The following CREB5 variants were observed in gnomAD, a reference collection of about 807,000 sequenced individuals.
The protein encoded by CREB5 is cyclic AMP-responsive element-binding protein 5.
CREB5 carries 19 observed loss-of-function variants against 57.1 expected under a neutral mutation model. The observed-to-expected ratio is 0.33, with a 90% CI of 0.23 to 0.49. The LOEUF (loss-of-function observed/expected upper bound fraction) is 0.49. CREB5 is among the 20% of genes least tolerant of loss of function. CREB5 has a pLI of 0.99. For missense variants in CREB5, 579 were observed against 671.6 expected (o/e 0.86, Z 1.52); for synonymous variants, 238 against 238.3 (o/e 1.00, Z 0.01).
rs557315081 is a variant in CREB5, at chr7:28,537,381, T to C, written c.291+29644T>C. The stretch of plus-strand genomic sequence containing the variant: ...TTCCTACAACATGCACTTAAAGCCT[T>C]TTTTTTTTAACATAGCACAGTATAT... On this transcript the variant is annotated intron_variant, in intron 4 of 10. Transcript: ENST00000357727. 6.3e-3 allele frequency among the ~76,000 whole-genome samples: 943 copies of C among 150,628 alleles called. 3 individuals are homozygous for C. Among genetic ancestry groups the C allele is most frequent in the Non-Finnish European group, 0.011 (721 of 67,462 alleles).
chr7:28,416,106 T>A (rs1307957873), intron 1 of CREB5, among the ~76,000 whole-genome samples: 1 of 152,226 alleles, frequency 6.6e-6, no homozygotes, highest in African/African-American at 2.4e-5. Flanking sequence ...AATAACAATG[T>A]CTAAATAGAA....
chr7:28,771,633 C>A (rs1027067871), intron 7 of CREB5, among the ~76,000 whole-genome samples: 4 of 152,102 alleles, frequency 2.6e-5, no homozygotes, highest in African/African-American at 7.2e-5. Flanking sequence ...TCATTTACAG[C>A]GCTACCCCTT....
chr7:28,467,858 G>C (rs1166399804), intron 1 of CREB5, among the ~76,000 whole-genome samples: 1 of 152,158 alleles, frequency 6.6e-6, no homozygotes, highest in Non-Finnish European at 1.5e-5. Context: ...GATGGGAATG[G>C]GCGTGATAAC....
intron 1 of CREB5, among the ~76,000 whole-genome samples, chr7:28,453,387 C>T (rs1789926087): frequency 6.6e-6 from 1 of 152,138 alleles, no homozygotes; most frequent in South Asian, 2.1e-4. Flanking sequence ...TGCTGTGAGC[C>T]ATGATTGTGC....
intron 1 of CREB5, among the ~76,000 whole-genome samples, chr7:28,451,243 A>G (rs758993429): frequency 9.2e-5 from 14 of 152,184 alleles, no homozygotes; most frequent in Non-Finnish European, 1.8e-4. Flanking sequence ...CATTCATTGC[A>G]ATAACTTGAC....
intron 5 of CREB5, among the ~76,000 whole-genome samples, chr7:28,677,383 G>A (rs548595802): frequency 1.3e-5 from 2 of 152,104 alleles, no homozygotes; most frequent in South Asian, 2.1e-4. Context: ...GGAGACCTAC[G>A]TTTTAATCTA....
At chr7:28,736,500 T>C (rs1255440072) in intron 7 of CREB5, among the ~76,000 whole-genome samples, 3 of 152,152 alleles carry the variant, frequency 2.0e-5, no homozygotes, top group Non-Finnish European at 4.4e-5. Context: ...CTTACATATA[T>C]TATCTTCTTT....
intron 7 of CREB5, among the ~76,000 whole-genome samples, chr7:28,738,273 T>C (rs1251609118): frequency 6.6e-6 from 1 of 152,206 alleles, no homozygotes; most frequent in Non-Finnish European, 1.5e-5. Context: ...TATTTTTTCC[T>C]AAACACCTAG....
intron 1 of CREB5, among the ~76,000 whole-genome samples, chr7:28,342,254 A>G (rs957175501): frequency 7.2e-5 from 11 of 152,208 alleles, no homozygotes; most frequent in Non-Finnish European, 1.3e-4. Flanking sequence ...TTTGGTGCCT[A>G]GATGTGGCTA....
chr7:28,437,290 G>A (rs1485610982), intron 1 of CREB5, among the ~76,000 whole-genome samples: 1 of 152,118 alleles, frequency 6.6e-6, no homozygotes, highest in African/African-American at 2.4e-5. Context: ...AGGAAACTGA[G>A]GTTTAGAGAA....
chr7:28,776,211 G>C lies in CREB5; in HGVS notation c.703-27988G>C, dbSNP rs7795685. Among the ~76,000 whole-genome samples the C allele has an allele frequency of 4.9e-3, 741 of 152,048 alleles. 6 individuals are homozygous for C. The highest frequency in any genetic ancestry group is 0.017 in the African/African-American group (700 of 41,490). ...AAATTAGCCGGGTGTGGTGGCGGGC[G>C]CCTGTAGTCCCAGCTACTCGGGAGG... On this transcript the variant is annotated intron_variant, in intron 7 of 10. Coordinates refer to ENST00000357727, the MANE Select transcript of CREB5 (RefSeq NM_182898.4).
chr7:28,697,268 A>G (rs953117239), intron 5 of CREB5, among the ~76,000 whole-genome samples: 1 of 152,194 alleles, frequency 6.6e-6, no homozygotes, highest in Non-Finnish European at 1.5e-5. Flanking sequence ...ACACACTGGT[A>G]TCATAGAAAG....
At chr7:28,807,262 G>C (rs1808786686) in intron 8 of CREB5, among the ~76,000 whole-genome samples, 1 of 152,022 alleles carries the variant, frequency 6.6e-6, no homozygotes, top group African/African-American at 2.4e-5. Context: ...GCCTGGCCAA[G>C]ATGGTGAAAC....
chr7:28,315,079 T>C (rs946665172), intron 1 of CREB5, among the ~76,000 whole-genome samples: 8 of 152,138 alleles, frequency 5.3e-5, no homozygotes, highest in Non-Finnish European at 1.2e-4. Context: ...TTATCCTTGG[T>C]GTTTAGTGTG....
At chr7:28,530,641 C>T (rs1352585575) in intron 4 of CREB5, among the ~76,000 whole-genome samples, 2 of 152,208 alleles carry the variant, frequency 1.3e-5, no homozygotes, top group African/African-American at 4.8e-5. Context: ...TCCCTCTACG[C>T]TGCTGAAGAA....
intron 4 of CREB5, among the ~76,000 whole-genome samples, chr7:28,549,317 CAT>C (rs1218378951): frequency 2.6e-5 from 4 of 152,194 alleles, no homozygotes; most frequent in Admixed American, 2.0e-4. Flanking sequence ...CAAAATATAA[CAT>C]ATTCTGTGGC....
chr7:28,425,569 A>T (rs1366154799), intron 1 of CREB5, among the ~76,000 whole-genome samples: 1 of 152,200 alleles, frequency 6.6e-6, no homozygotes, highest in Non-Finnish European at 1.5e-5. Flanking sequence ...GCATGCTTTA[A>T]GTGAGTGAAT....
At chr7:28,733,701 G>T (rs761329384) in intron 7 of CREB5, among the ~76,000 whole-genome samples, 2 of 152,122 alleles carry the variant, frequency 1.3e-5, no homozygotes, top group African/African-American at 2.4e-5. Context: ...CCGCCAGCCT[G>T]CAAGCTCCAT....
chr7:28,719,020 AT>A, intron 6 of CREB5, 141 bp downstream of exon 6: 1 of 1,380,626 alleles, frequency 7.2e-7, no homozygotes, highest in Non-Finnish European at 9.7e-7. Flanking sequence ...GCTGTGTGCA[AT>A]TTTGCTTTGA....
Sources: gnomAD v4.1 joint callset for allele counts (sites outside exome capture counted in the v4.1 genomes callset) on GRCh38, gnomAD v4.1.1 for gene constraint, MANE v1.5 for transcripts, NCBI Gene and HGNC (gene_info 2026-07-23, HGNC 2026-07-21) for gene names.